The following KRT6B variants were observed in gnomAD, a reference collection of about 807,000 sequenced individuals.
KRT6B encodes keratin 6B, also known as keratin, type II cytoskeletal 6B.
In KRT6B, 29 loss-of-function variants were observed where a neutral mutation model predicts 44.7. That is an observed-to-expected ratio of 0.65 (90% CI 0.48 to 0.88). The LOEUF (loss-of-function observed/expected upper bound fraction) is 0.88. Ranked by LOEUF, KRT6B falls within the 40% of genes least tolerant of loss-of-function variation. KRT6B has a pLI of 0.00. For synonymous variants in KRT6B, 213 were observed against 296.0 expected (o/e 0.72, Z 2.88); for missense variants, 600 against 724.0 (o/e 0.83, Z 1.97).
In KRT6B at chr12:52,447,343, G is replaced by T; in HGVS notation, c.1542C>A (p.Ser514Arg). ...CGCCAAGACCACTGCCATAGGAGTA[G>T]CTGCTTCCTCCACCCAGGCCTAAGC... is the stretch of plus-strand genomic sequence containing the variant. ...GSGLGLGGGS[S>R]YSYGSGLGVG... is the part of the protein sequence containing the mutation. The change falls in exon 9 of 9, where the codon AGC becomes AGA. Residue 514 changes from serine to arginine, a missense_variant. Coordinates refer to ENST00000252252, the MANE Select transcript of KRT6B (RefSeq NM_005555.4). 6.2e-7 allele frequency: 1 copy of T among 1,614,044 alleles called. No individual in the cohort carries two copies.
chr12:52,448,179 T>C (rs776090462), intron 6 of KRT6B, among the ~76,000 whole-genome samples, 181 bp from the exon 7 acceptor site: 3 of 152,214 alleles, frequency 2.0e-5, no homozygotes, highest in Non-Finnish European at 2.9e-5. Context: ...AGTCACATGA[T>C]AAAATCCTGT....
At chr12:52,451,414 C>A in intron 1 of KRT6B, 125 bp downstream of exon 1, 1 of 1,569,996 alleles carries the variant, frequency 6.4e-7, no homozygotes, top group South Asian at 1.1e-5. Flanking sequence ...GAGCCACCTG[C>A]ACTCTCTGCA....
In KRT6B at chr12:52,447,234, A is replaced by C; in HGVS notation, c.1651T>G (p.Tyr551Asp). ...SVGGGSSTIK[Y>D]TTTSSSSRKS... Reference sequence around the variant, plus strand: ...CTGCTGGAGGAGGAGGTGGTGGTGTACTTGATGGTGGAACTGCCGCCTCCA... The same window carrying C: ...CTGCTGGAGGAGGAGGTGGTGGTGTCCTTGATGGTGGAACTGCCGCCTCCA... Residue 551 changes from tyrosine to aspartate, a missense_variant, in exon 9 of 9, where the codon TAC becomes GAC. Physicochemically the swap from Tyr to Asp is radical, Grantham distance 160. Coordinates refer to ENST00000252252, the MANE Select transcript of KRT6B (RefSeq NM_005555.4). 3 of 1,614,020 alleles carry C rather than the reference A, an allele frequency of 1.9e-6. No individual in the cohort carries two copies. The highest frequency in any genetic ancestry group is 2.5e-6 in the Non-Finnish European group (3 of 1,179,922).
intron 1 of KRT6B, 110 bp from the exon 2 acceptor site, chr12:52,450,730 G>C: frequency 2.6e-6 from 4 of 1,514,978 alleles, no homozygotes; most frequent in Non-Finnish European, 3.6e-6. Flanking sequence ...GGCTACTACA[G>C]TGCATGTAGA....
Position 52,448,895 on chromosome 12 carries a change from T to C in KRT6B, c.1150A>G (p.Ile384Val). ...CTCAGCCTCTGGATCATGCGGTTGA[T>C]CTCAGCAATCTCCTGCTTGGTGTTG... ...LRNTKQEIAE[I>V]NRMIQRLRSE... Residue 384 changes from isoleucine (I) to valine (V), a missense_variant, in exon 6 of 9, where the codon ATC becomes GTC. Ile to Val is a conservative substitution (Grantham distance 29, BLOSUM62 3). Around this residue, in one of 4 missense-constraint regions of KRT6B, gnomAD observed 479 missense variants for 454.2 expected, o/e 1.05. Transcript: ENST00000252252. 1.9e-6 allele frequency: 3 copies of C among 1,614,002 alleles called. No individual in the cohort carries two copies. The highest frequency in any genetic ancestry group is 2.2e-5 in the South Asian group (2 of 91,050).
Position 52,449,646 on chromosome 12 carries a change from A to G in KRT6B, c.913-13T>C. 6.2e-7 allele frequency: 1 copy of G among 1,614,220 alleles called. No individual in the cohort carries two copies. On this transcript the variant is annotated splice_polypyrimidine_tract_variant and intron_variant, in intron 4 of 8. Coordinates refer to ENST00000252252, the MANE Select transcript of KRT6B (RefSeq NM_005555.4). The stretch of plus-strand genomic sequence containing the variant: ...TCTGGGACAGCTCCTGCAGAACAGA[A>G]GGTCATAAGATCAACTTCACTTCTG...
At chr12:52,450,190 A>G in intron 2 of KRT6B, 118 bp from the exon 3 acceptor site, 3 of 1,581,428 alleles carry the variant, frequency 1.9e-6, no homozygotes, top group Non-Finnish European at 2.6e-6. Flanking sequence ...TTCCTGCCAC[A>G]GAGAGCCAAA....
intron 6 of KRT6B, 32 bp downstream of exon 6, chr12:52,448,810 A>G (rs1335588404): frequency 1.1e-5 from 18 of 1,614,010 alleles, no homozygotes; most frequent in Admixed American, 1.7e-5. Context: ...AAAAAAAATG[A>G]TGCTTTTCTC....
chr12:52,448,079 A>G (rs920122384), intron 6 of KRT6B, 81 bp from the exon 7 acceptor site: 176 of 1,570,304 alleles, frequency 1.1e-4, no homozygotes, highest in South Asian at 2.3e-4. Flanking sequence ...TTTCCAGTGA[A>G]GAAGGCACCA....
Position 52,451,931 on chromosome 12 carries a change from C to A in KRT6B, c.148G>T (p.Ala50Ser). ...CTGCCAAAGCCAGCTCCTCCACATGCGCCACCCAGGCCACCACTGCCCCTG... is the reference window on the plus strand; with the variant it reads ...CTGCCAAAGCCAGCTCCTCCACATGAGCCACCCAGGCCACCACTGCCCCTG... ...RSRGSGGLGG[A>S]CGGAGFGSRS... The change falls in exon 1 of 9, where the codon GCA becomes TCA. Residue 50 changes from alanine (A) to serine (S), a missense_variant. This residue lies in a region of KRT6B where 78 missense variants were observed against 97.5 expected (regional missense o/e 0.80). Transcript: ENST00000252252. 1.2e-6 allele frequency: 2 copies of A among 1,613,156 alleles called. No homozygotes were observed. The highest frequency in any genetic ancestry group is 2.2e-5 in the East Asian group (1 of 44,890).
chr12:52,450,204 A>G, intron 2 of KRT6B, 132 bp from the exon 3 acceptor site: 2 of 1,570,444 alleles, frequency 1.3e-6, no homozygotes, highest in Non-Finnish European at 1.8e-6. Flanking sequence ...AGCCAAAGAG[A>G]TGAATTTTGC....
At position 52,449,520 on chromosome 12, in the gene KRT6B, C is replaced by G; in HGVS notation, c.1026G>C (p.Glu342Asp). ...CAGCCCTGCTCCTCTGAGCAATCTC[C>G]TCATATTGGGCCTTGACCTCAGCGA... ...SIIAEVKAQYEEIAQRSRAEA... is the reference protein window; with the variant it reads ...SIIAEVKAQYDEIAQRSRAEA... The change falls in exon 5 of 9, where the codon GAG becomes GAC. Residue 342 changes from glutamate to aspartate, a missense_variant. Physicochemically the swap from Glu to Asp is conservative, Grantham distance 45 (BLOSUM62 2). Coordinates refer to ENST00000252252, the MANE Select transcript of KRT6B (RefSeq NM_005555.4). 6.2e-7 allele frequency: 1 copy of G among 1,614,192 alleles called. No homozygotes were observed. The highest frequency in any genetic ancestry group is 8.5e-7 in the Non-Finnish European group (1 of 1,180,028).
At position 52,449,640 on chromosome 12, in the gene KRT6B, A is replaced by G. The variant is rs146034933; in HGVS notation, c.913-7T>C. ...TCTGCATCTGGGACAGCTCCTGCAG[A>G]ACAGAAGGTCATAAGATCAACTTCA... On this transcript the variant is annotated splice_region_variant and splice_polypyrimidine_tract_variant and intron_variant, in intron 4 of 8. Transcript: ENST00000252252. 4,421 of 1,614,210 alleles carry G rather than the reference A, an allele frequency of 2.7e-3. 122 individuals are homozygous for G. The African/African-American group carries it at 0.052, about 19-fold the overall frequency.
intron 8 of KRT6B, 22 bp from the exon 9 acceptor site, chr12:52,447,447 G>A (rs1461189812): frequency 2.5e-6 from 4 of 1,613,874 alleles, no homozygotes; most frequent in South Asian, 1.1e-5. Context: ...AGGGGACAAG[G>A]ACACAAGAAG....
rs779144610 is a variant in KRT6B at position 52,452,035 on chromosome 12, C to A, written c.44G>T (p.Arg15Leu). ...GGCTGAGTTGGCACTGAAACCCCGGCGGCTGCTGCTGTGGCTCCTGATGGT... is the reference window on the plus strand; with the variant it reads ...GGCTGAGTTGGCACTGAAACCCCGGAGGCTGCTGCTGTGGCTCCTGATGGT... ...STTIRSHSSS[R>L]RGFSANSARL... Residue 15 changes from arginine to leucine, a missense_variant, in exon 1 of 9, where the codon CGC becomes CTC. Arg to Leu is a moderately radical substitution (Grantham distance 102). Around this residue, in one of 4 missense-constraint regions of KRT6B, gnomAD observed 78 missense variants for 97.5 expected, o/e 0.80. Transcript: ENST00000252252. 6 of 1,614,016 alleles carry A rather than the reference C, an allele frequency of 3.7e-6. No homozygotes were observed. The highest frequency in any genetic ancestry group is 5.1e-6 in the Non-Finnish European group (6 of 1,179,944).
intron 6 of KRT6B, 31 bp from the exon 7 acceptor site, chr12:52,448,029 T>C: frequency 1.9e-6 from 3 of 1,613,900 alleles, no homozygotes; most frequent in Non-Finnish European, 2.5e-6. Flanking sequence ...AAAGAACTTG[T>C]CATCTGGTCT....
At position 52,449,616 on chromosome 12, in the gene KRT6B, C is replaced by G. The variant is rs1940365615; in HGVS notation, c.930G>C (p.Gln310His). ...CCACGGATGTGTCTGAGATGTGGGT[C>G]TGCATCTGGGACAGCTCCTGCAGAA... ...ALYDAELSQM[Q>H]THISDTSVVL... is the part of the protein sequence containing the mutation. The change falls in exon 5 of 9, where the codon CAG (glutamine) becomes CAC (histidine). Residue 310 changes from glutamine (Q) to histidine (H), a missense_variant. Physicochemically the swap from Gln to His is conservative, Grantham distance 24. Coordinates refer to ENST00000252252, the MANE Select transcript of KRT6B (RefSeq NM_005555.4). 1.9e-6 allele frequency: 3 copies of G among 1,614,218 alleles called. No homozygotes were observed. The highest frequency in any genetic ancestry group is 2.7e-5 in the African/African-American group (2 of 75,052).
At position 52,447,186 on chromosome 12, in the gene KRT6B, C is replaced by A. The variant is rs1458137072; in HGVS notation, c.*4G>T. 1 of 1,613,952 alleles carries A rather than the reference C, an allele frequency of 6.2e-7. No individual in the cohort carries two copies. The highest frequency in any genetic ancestry group is 2.2e-5 in the East Asian group (1 of 44,884). ...CTGTGGGACTGAGAGCTGGCGGCAG[C>A]ACTTCAGTGCTTGTAGCTCTTCCTG... On this transcript the variant is annotated 3_prime_UTR_variant, in exon 9 of 9. Transcript: ENST00000252252.
At chr12:52,450,698 C>G in intron 1 of KRT6B, 78 bp from the exon 2 acceptor site, 3 of 1,605,324 alleles carry the variant, frequency 1.9e-6, no homozygotes, top group Non-Finnish European at 2.6e-6. Context: ...TCCTGGAGGT[C>G]TGGGAGGTCC....
Sources: gnomAD v4.1 joint callset for allele counts (sites outside exome capture counted in the v4.1 genomes callset) on GRCh38, gnomAD v4.1.1 for gene constraint, gnomAD v4.1.1 regional missense constraint, MANE v1.5 for transcripts, NCBI Gene and HGNC (gene_info 2026-07-23, HGNC 2026-07-21) for gene names.